Variants in RAI1 observed in about 807,000 individuals in gnomAD.
RAI1 encodes the protein retinoic acid induced 1, also known as retinoic acid-induced protein 1.
In RAI1, 9 loss-of-function variants were observed where a neutral mutation model predicts 123.8. The observed-to-expected ratio is 0.07, with a 90% CI of 0.04 to 0.13. The LOEUF is 0.13. Ranked by LOEUF, RAI1 falls within the 10% of genes least tolerant of loss-of-function variation. The pLI is 1.00. For synonymous variants in RAI1, 1,231 were observed against 1,127.3 expected (o/e 1.09, Z -1.84); for missense variants, 2,256 against 2,545.8 (o/e 0.89, Z 2.45).
At chr17:17,689,187 A>T (rs1914755078) in intron 1 of RAI1, among the ~76,000 whole-genome samples, 1 of 150,834 alleles carries the variant, frequency 6.6e-6, no homozygotes, top group African/African-American at 2.4e-5. Context: ...CAAACTGCTG[A>T]CCTCAGGTGA....
chr17:17,692,094 G>T (rs1914856650), intron 1 of RAI1, among the ~76,000 whole-genome samples: 1 of 152,210 alleles, frequency 6.6e-6, no homozygotes, highest in Non-Finnish European at 1.5e-5. Flanking sequence ...ACTCCAGCAG[G>T]ATGTGGCTGG....
intron 2 of RAI1, among the ~76,000 whole-genome samples, chr17:17,736,313 C>T (rs1352968150): frequency 2.0e-5 from 3 of 152,310 alleles, no homozygotes; most frequent in South Asian, 4.1e-4. Flanking sequence ...GGGAGGCTCT[C>T]AGTCATCCCA....
At chr17:17,728,045 CTG>C (rs143414744) in intron 2 of RAI1, among the ~76,000 whole-genome samples, 1 of 151,226 alleles carries the variant, frequency 6.6e-6, no homozygotes, top group East Asian at 2.0e-4. Flanking sequence ...ATGCGTGCCT[CTG>C]TGTGTGTGTG....
At chr17:17,682,549 TCA>T (rs1914470244) in intron 1 of RAI1, 1 of 151,878 alleles carries the variant, frequency 6.6e-6, no homozygotes, top group Non-Finnish European at 1.5e-5. Flanking sequence ...GCCCCCCCTC[TCA>T]CGCGCCTTGA....
chr17:17,809,125 G>T lies in RAI1; in HGVS notation c.5660-265G>T. 1.8e-6 allele frequency: 1 copy of T among 556,106 alleles called. No individual in the cohort carries two copies. Among genetic ancestry groups the T allele is most frequent in the Non-Finnish European group, 3.3e-6 (1 of 306,038 alleles). 34.4% of individuals were successfully genotyped at this position (556,106 alleles called of 1,614,324 possible). A position where few individuals can be genotyped will look rare whatever the true frequency, so the allele number is the denominator to read the frequency against. On this transcript the variant is annotated intron_variant, in intron 4 of 5. Coordinates refer to ENST00000353383, the MANE Select transcript of RAI1 (RefSeq NM_030665.4). The surrounding 1 kb of genome is among the most constrained non-coding windows in gnomAD (Gnocchi z 4.9). ...ACTGAGGGACTGCCTCAAGTGAGGA[G>T]GGGCGGCACGTGGAACTCAGGGGGA...
chr17:17,726,538 T>C (rs937593083), intron 2 of RAI1, among the ~76,000 whole-genome samples: 3 of 152,254 alleles, frequency 2.0e-5, no homozygotes, highest in Admixed American at 6.5e-5. Flanking sequence ...CCTATCTTCC[T>C]TAGGGCCCCC....
At chr17:17,738,559 C>G (rs1206347635) in intron 2 of RAI1, among the ~76,000 whole-genome samples, 2 of 152,202 alleles carry the variant, frequency 1.3e-5, no homozygotes, top group African/African-American at 4.8e-5. Context: ...CTCCAGGGAC[C>G]AGCAGGAAAC....
Position 17,800,036 on chromosome 17 carries a change from GAGGAAGGCTGGCCCCGACAGGACTCCTGC to G in RAI1, c.5565+1527_5565+1555del, listed in dbSNP as rs1209278727. Among the ~76,000 whole-genome samples, 4 of 152,132 alleles carry G rather than the reference GAGGAAGGCTGGCCCCGACAGGACTCCTGC, an allele frequency of 2.6e-5. No individual in the cohort carries two copies. In the East Asian group the frequency reaches 7.7e-4, roughly 29 times the overall value. Reference sequence around the variant, plus strand: ...CCACCTCACTCCACCCTCCACCTCAGAGGAAGGCTGGCCCCGACAGGACTCCTGCAGGTTCCTGGTGCCGCGGGCCTTGC... The same window carrying G: ...CCACCTCACTCCACCCTCCACCTCAGAGGTTCCTGGTGCCGCGGGCCTTGC... On this transcript the variant is annotated intron_variant, in intron 3 of 5. Transcript: ENST00000353383. The surrounding 1 kb of genome is among the most constrained non-coding windows in gnomAD (Gnocchi z 4.7).
chr17:17,806,893 G>C (rs2032604427), intron 4 of RAI1, among the ~76,000 whole-genome samples: 1 of 152,210 alleles, frequency 6.6e-6, no homozygotes, highest in South Asian at 2.1e-4. Flanking sequence ...CAAAGGACCT[G>C]GGTGCGGGGA....
In RAI1 at chr17:17,794,047, C is replaced by G. The variant is rs2143001825; in HGVS notation, c.1099C>G (p.Leu367Val). The change falls in exon 3 of 6, where the codon CTG (leucine) becomes GTG (valine). Residue 367 changes from leucine (L) to valine (V), a missense_variant. Coordinates refer to ENST00000353383, the MANE Select transcript of RAI1 (RefSeq NM_030665.4). The part of the protein sequence containing the change: ...SSTPSPLMPN[L>V]ENFPYSQQPL... ...CACACCGTCGCCGCTGATGCCAAAC[C>G]TGGAGAACTTTCCCTACAGCCAGCA... The G allele has an allele frequency of 6.2e-7, 1 of 1,614,024 alleles. No homozygotes were observed. The highest frequency in any genetic ancestry group is 1.1e-5 in the South Asian group (1 of 91,082).
At chr17:17,742,588 C>T (rs2142971651) in intron 2 of RAI1, among the ~76,000 whole-genome samples, 1 of 152,340 alleles carries the variant, frequency 6.6e-6, no homozygotes, top group East Asian at 1.9e-4. Flanking sequence ...ATAATATCCC[C>T]TCTGCTTTTA....
intron 1 of RAI1, among the ~76,000 whole-genome samples, chr17:17,687,278 G>A (rs1914674119): frequency 6.6e-6 from 1 of 152,118 alleles, no homozygotes; most frequent in Non-Finnish European, 1.5e-5. Flanking sequence ...CCATGTGTTA[G>A]GCACTATGGT....
rs1378674043 is a variant in RAI1 at position 17,685,324 on chromosome 17, A to G, written c.-149+3531A>G. On this transcript the variant is annotated intron_variant, in intron 1 of 5. Transcript: ENST00000353383. This position sits in a 1 kb window ranked among gnomAD's most constrained non-coding sequence, Gnocchi z 4.0. ...GCTTAATGTCGGGGTCCAAGCAGGAAGCATCCCTGCACTTGACCACAAGAA... is the reference window on the plus strand; with the variant it reads ...GCTTAATGTCGGGGTCCAAGCAGGAGGCATCCCTGCACTTGACCACAAGAA... Among the ~76,000 whole-genome samples the G allele has an allele frequency of 6.6e-6, 1 of 152,244 alleles. No individual in the cohort carries two copies. The highest frequency in any genetic ancestry group is 1.5e-5 in the Non-Finnish European group (1 of 68,042).
chr17:17,686,773 A>G (rs1914656515), intron 1 of RAI1, among the ~76,000 whole-genome samples: 1 of 151,334 alleles, frequency 6.6e-6, no homozygotes, highest in African/African-American at 2.4e-5. Flanking sequence ...GCTGCTGGAG[A>G]GTATGAAGAG....
At chr17:17,752,931 A>C (rs1434507455) in intron 2 of RAI1, among the ~76,000 whole-genome samples, 1 of 152,184 alleles carries the variant, frequency 6.6e-6, no homozygotes, top group Non-Finnish European at 1.5e-5. Context: ...GGCACACAGT[A>C]GGTGCTCGGT....
At chr17:17,766,853 G>T (rs542349178) in intron 2 of RAI1, among the ~76,000 whole-genome samples, 2 of 152,316 alleles carry the variant, frequency 1.3e-5, no homozygotes, top group East Asian at 3.9e-4. Context: ...GCGGGTGCTG[G>T]AGATAGATGG....
intron 1 of RAI1, among the ~76,000 whole-genome samples, chr17:17,688,791 G>C (rs150616685): frequency 0.012 from 1,774 of 151,804 alleles, 37 homozygotes; most frequent in African/African-American, 0.041. Context: ...GTAGAGACGG[G>C]GTTTCACCAT....
chr17:17,793,826 T>C lies in RAI1; in HGVS notation c.878T>C (p.Leu293Pro). The part of the protein sequence containing the change: ...QQQQQQQQQA[L>P]QSRHHAQETL... The stretch of plus-strand genomic sequence containing the variant: ...CAGCAGCAGCAGCAGCAGCAAGCCC[T>C]TCAGAGCCGGCACCATGCCCAGGAA... The change falls in exon 3 of 6, where the codon CTT becomes CCT. Residue 293 changes from leucine to proline, a missense_variant. Physicochemically the swap from Leu to Pro is moderately conservative, Grantham distance 98 (BLOSUM62 -3). Transcript: ENST00000353383. The C allele has an allele frequency of 6.2e-7, 1 of 1,611,108 alleles. No homozygotes were observed. The highest frequency in any genetic ancestry group is 8.5e-7 in the Non-Finnish European group (1 of 1,178,562).
chr17:17,765,226 T>C (rs977726528), intron 2 of RAI1, among the ~76,000 whole-genome samples: 3 of 152,266 alleles, frequency 2.0e-5, no homozygotes, highest in African/African-American at 7.2e-5. Context: ...GGTTCCTGTA[T>C]GTGGAGTTCC....
Sources: allele counts gnomAD v4.1 joint callset (sites outside exome capture counted in the v4.1 genomes callset), GRCh38; gene constraint gnomAD v4.1.1; non-coding constraint Gnocchi (gnomAD v3.1); transcripts MANE v1.5; gene names NCBI Gene and HGNC (gene_info 2026-07-23, HGNC 2026-07-21).